The following TMEM132B variants were observed in gnomAD, a reference collection of about 807,000 sequenced individuals.
TMEM132B encodes transmembrane protein 132B.
Under a neutral mutation model 90.8 loss-of-function variants are expected in TMEM132B, and 18 were observed. That is an observed-to-expected ratio of 0.20 (90% CI 0.14 to 0.29). The LOEUF (loss-of-function observed/expected upper bound fraction) is 0.29, where lower values mean the gene tolerates loss of function less well. Ranked by LOEUF, TMEM132B falls within the 10% of genes least tolerant of loss-of-function variation. TMEM132B has a pLI of 1.00. For missense variants in TMEM132B, 1,096 were observed against 1,326.8 expected (o/e 0.83, Z 2.70); for synonymous variants, 504 against 523.3 (o/e 0.96, Z 0.50).
intron 4 of TMEM132B, among the ~76,000 whole-genome samples, chr12:125,550,837 G>C (rs1456596850): frequency 6.6e-6 from 1 of 150,476 alleles, no homozygotes; most frequent in Non-Finnish European, 1.5e-5. Context: ...GTAGTGCAAT[G>C]GTGCGATCTT....
At chr12:125,600,056 T>G (rs2136917132) in intron 5 of TMEM132B, among the ~76,000 whole-genome samples, 1 of 152,234 alleles carries the variant, frequency 6.6e-6, no homozygotes, top group South Asian at 2.1e-4. Context: ...GGAGTTTGGG[T>G]TTTATGCTAT....
chr12:125,405,245 T>C (rs1432181020), intron 2 of TMEM132B, among the ~76,000 whole-genome samples: 1 of 152,200 alleles, frequency 6.6e-6, no homozygotes, highest in African/African-American at 2.4e-5. Flanking sequence ...TCCTTCATAT[T>C]CCTTGGCCCA....
intron 4 of TMEM132B, among the ~76,000 whole-genome samples, chr12:125,527,044 ATCCACCCTTCCATCCACCC>A (rs1883486386): frequency 2.9e-5 from 4 of 138,538 alleles, no homozygotes; most frequent in African/African-American, 1.1e-4. Context: ...CCATCCACCC[ATCCACCCTTCCATCCACCC>A]ATTTACCCTT....
In TMEM132B at chr12:125,239,919, G is replaced by A. The variant is rs183396729; in HGVS notation, c.67+53053G>A. On this transcript the variant is annotated intron_variant, in intron 1 of 8. Transcript: ENST00000682704. ...TGTGGATTATGGCTTTTTCTTGATT[G>A]TAGTGGCTGCCTTATTGCAGTGGCT... is the stretch of plus-strand genomic sequence containing the variant. 2.6e-5 allele frequency among the ~76,000 whole-genome samples: 4 copies of A among 152,326 alleles called. No homozygotes were observed. The East Asian group carries it at 7.7e-4, about 29-fold the overall frequency.
At chr12:125,272,687 G>A (rs1302679985) in intron 1 of TMEM132B, among the ~76,000 whole-genome samples, 2 of 152,212 alleles carry the variant, frequency 1.3e-5, no homozygotes, top group Admixed American at 1.3e-4. Context: ...ATGGCAATGG[G>A]GGAGCTAAAG....
chr12:125,332,499 C>T (rs1876808357), intron 1 of TMEM132B, among the ~76,000 whole-genome samples: 1 of 151,872 alleles, frequency 6.6e-6, no homozygotes, highest in South Asian at 2.1e-4. Context: ...CTGTGCCCTC[C>T]ACCCACTGCA....
intron 2 of TMEM132B, among the ~76,000 whole-genome samples, chr12:125,369,537 A>T (rs1228408386): frequency 6.6e-6 from 1 of 152,178 alleles, no homozygotes; most frequent in Non-Finnish European, 1.5e-5. Flanking sequence ...ATCCTGAAGG[A>T]CTCCAACATT....
intron 1 of TMEM132B, among the ~76,000 whole-genome samples, chr12:125,201,390 T>C (rs1339976102): frequency 6.6e-6 from 1 of 152,256 alleles, no homozygotes; most frequent in Admixed American, 6.5e-5. Flanking sequence ...CAATATTTCT[T>C]GTCCTTCAAG....
At chr12:125,198,031 C>T (rs952431133) in intron 1 of TMEM132B, among the ~76,000 whole-genome samples, 1 of 152,192 alleles carries the variant, frequency 6.6e-6, no homozygotes, top group Non-Finnish European at 1.5e-5. Flanking sequence ...GTGGAGGGAA[C>T]TGATCAGTGA....
intron 2 of TMEM132B, among the ~76,000 whole-genome samples, chr12:125,391,040 A>AGT (rs57083034): frequency 0.034 from 2,890 of 84,872 alleles, 34 homozygotes; most frequent in African/African-American, 0.04. Context: ...ACTAAAGAAT[A>AGT]GTGTGTGTGT....
chr12:125,457,367 A>G (rs1213167624), intron 3 of TMEM132B, among the ~76,000 whole-genome samples: 2 of 152,150 alleles, frequency 1.3e-5, no homozygotes, highest in East Asian at 3.8e-4. Context: ...GTGGAGGGTG[A>G]ATCGGTCTCC....
chr12:125,207,650 C>G (rs1477057060), intron 1 of TMEM132B, among the ~76,000 whole-genome samples: 2 of 152,212 alleles, frequency 1.3e-5, no homozygotes. Context: ...CACATTCTCA[C>G]TGTTATCCAA....
chr12:125,269,840 C>T (rs1190387952), intron 1 of TMEM132B, among the ~76,000 whole-genome samples: 1 of 152,086 alleles, frequency 6.6e-6, no homozygotes, highest in Non-Finnish European at 1.5e-5. Context: ...TCTTTGTTTC[C>T]AGTTCCTTCC....
At position 125,254,926 on chromosome 12, in the gene TMEM132B, C is replaced by T. The variant is rs1328213410; in HGVS notation, c.67+68060C>T. On this transcript the variant is annotated intron_variant, in intron 1 of 8. Coordinates refer to ENST00000682704, the MANE Select transcript of TMEM132B (RefSeq NM_001366854.1). ...TCTCAAACTCCTGATCTCAGGCAAT[C>T]CACCCGCCTCAGCCTCCCAAATTGC... Among the ~76,000 whole-genome samples the T allele has an allele frequency of 3.3e-5, 5 of 151,976 alleles. No individual in the cohort carries two copies. The East Asian group carries it at 5.8e-4, about 18-fold the overall frequency.
At chr12:125,323,671 A>T (rs1876487982) in intron 1 of TMEM132B, among the ~76,000 whole-genome samples, 1 of 152,240 alleles carries the variant, frequency 6.6e-6, no homozygotes, top group African/African-American at 2.4e-5. Flanking sequence ...GGTGCACACC[A>T]TGATGCCTGG....
intron 2 of TMEM132B, among the ~76,000 whole-genome samples, chr12:125,399,944 C>T (rs1237885535): frequency 6.6e-6 from 1 of 152,194 alleles, no homozygotes; most frequent in Non-Finnish European, 1.5e-5. Context: ...GATGGAGCTT[C>T]CTGCATACAT....
At chr12:125,540,285 G>A (rs766858696) in intron 4 of TMEM132B, among the ~76,000 whole-genome samples, 12 of 152,294 alleles carry the variant, frequency 7.9e-5, no homozygotes, top group Non-Finnish European at 1.6e-4. Flanking sequence ...GTATTCTGCT[G>A]TTGTTGAGTG....
intron 4 of TMEM132B, among the ~76,000 whole-genome samples, chr12:125,576,320 A>G (rs1884940068): frequency 6.6e-6 from 1 of 152,028 alleles, no homozygotes; most frequent in Non-Finnish European, 1.5e-5. Context: ...TTCATCTTGT[A>G]TCCTGAAATT....
intron 1 of TMEM132B, among the ~76,000 whole-genome samples, chr12:125,304,964 T>C (rs1875923429): frequency 6.6e-6 from 1 of 152,184 alleles, no homozygotes; most frequent in Non-Finnish European, 1.5e-5. Context: ...TTCTCTCTGG[T>C]AATCACTATT....
Sources: allele counts gnomAD v4.1 joint callset (sites outside exome capture counted in the v4.1 genomes callset), GRCh38; gene constraint gnomAD v4.1.1; transcripts MANE v1.5; gene names NCBI Gene and HGNC (gene_info 2026-07-23, HGNC 2026-07-21).